The following ZNF280A variants were observed in gnomAD, a reference collection of about 807,000 sequenced individuals.
ZNF280A encodes the protein suppressor of hairy wing homolog 1.
In ZNF280A, 26 loss-of-function variants were observed where a neutral mutation model predicts 35.9. The observed-to-expected ratio is 0.72, with a 90% CI of 0.53 to 1.01. The LOEUF is 1.01. Among genes scored for constraint, ZNF280A ranks in the 50% least tolerant of loss-of-function variants. The pLI is 0.00. For missense variants in ZNF280A, 654 were observed against 652.0 expected (o/e 1.00, Z -0.03); for synonymous variants, 231 against 232.9 (o/e 0.99, Z 0.07).
At chr22:22,517,712 C>T (rs2062088245) in intron 1 of ZNF280A, among the ~76,000 whole-genome samples, 1 of 151,746 alleles carries the variant, frequency 6.6e-6, no homozygotes, top group African/African-American at 2.4e-5. Context: ...ATATAAAATA[C>T]ATTTCATAAT....
At chr22:22,519,198 C>G in intron 1 of ZNF280A, among the ~76,000 whole-genome samples, 1 of 151,848 alleles carries the variant, frequency 6.6e-6, no homozygotes, top group Non-Finnish European at 1.5e-5. Context: ...CTTTGGGAGG[C>G]TGAGGTGGGT....
chr22:22,517,850 T>G (rs991422359), intron 1 of ZNF280A, among the ~76,000 whole-genome samples: 2 of 147,706 alleles, frequency 1.4e-5, no homozygotes, highest in Admixed American at 1.3e-4. Flanking sequence ...CAAACCTTGT[T>G]ATATCAGCAT....
At chr22:22,519,484 G>A (rs1319455883) in intron 1 of ZNF280A, among the ~76,000 whole-genome samples, 2 of 151,880 alleles carry the variant, frequency 1.3e-5, no homozygotes, top group African/African-American at 4.8e-5. Flanking sequence ...GCAATCTCTC[G>A]CTGACAAAAT....
intron 1 of ZNF280A, among the ~76,000 whole-genome samples, chr22:22,518,379 T>A (rs1031662752): frequency 1.3e-5 from 2 of 152,022 alleles, no homozygotes; most frequent in African/African-American, 4.8e-5. Flanking sequence ...TTCCCCTGTT[T>A]TTGTACAGTC....
At chr22:22,518,558 TG>T (rs1282590256) in intron 1 of ZNF280A, among the ~76,000 whole-genome samples, 1 of 151,146 alleles carries the variant, frequency 6.6e-6, no homozygotes, top group East Asian at 2.0e-4. Flanking sequence ...GAGGCCGAGG[TG>T]GGCAGATCAC....
intron 1 of ZNF280A, among the ~76,000 whole-genome samples, chr22:22,518,764 G>T (rs1336156048): frequency 1.4e-5 from 2 of 147,020 alleles, no homozygotes; most frequent in African/African-American, 2.6e-5. Flanking sequence ...CTCCAGCCTG[G>T]GTGACAGAGT....
In ZNF280A at chr22:22,515,024, T is replaced by C. The variant is rs550610741; in HGVS notation, c.607A>G (p.Thr203Ala). ...LAVVPSDMSSTISTNTPSQGI... is the reference protein window; with the variant it reads ...LAVVPSDMSSAISTNTPSQGI... ...TGTGAGGGTGTATTTGTGCTTATTG[T>C]AGAAGACATATCTGAAGGGACCACA... Residue 203 changes from threonine to alanine, a missense_variant, in exon 2 of 2, where the codon ACA becomes GCA. Coordinates refer to ENST00000302097, the MANE Select transcript of ZNF280A (RefSeq NM_080740.5). The C allele has an allele frequency of 2.9e-5, 46 of 1,613,924 alleles. No individual in the cohort carries two copies. The highest frequency in any genetic ancestry group is 3.6e-5 in the Non-Finnish European group (42 of 1,179,976).
rs767540976 is a variant in ZNF280A at position 22,514,896 on chromosome 22, T to C, written c.735A>G (p.Ala245=). Residue 245 remains alanine, a synonymous_variant, in exon 2 of 2, where the codon GCA becomes GCG. Transcript: ENST00000302097. ...AHFNLTDPER[A]SESALAMTDI... ...CTGTCATTGCCAGGGCAGACTCACTTGCTCTCTCTGGATCTGTAAGATTGA... is the reference window on the plus strand; with the variant it reads ...CTGTCATTGCCAGGGCAGACTCACTCGCTCTCTCTGGATCTGTAAGATTGA... 1.2e-6 allele frequency: 2 copies of C among 1,613,816 alleles called. No individual in the cohort carries two copies. Among genetic ancestry groups the C allele is most frequent in the Admixed American group, 3.3e-5 (2 of 59,994 alleles).
chr22:22,518,066 C>A (rs1355403264), intron 1 of ZNF280A, among the ~76,000 whole-genome samples: 1 of 151,788 alleles, frequency 6.6e-6, no homozygotes, highest in Admixed American at 6.6e-5. Flanking sequence ...GCTGGGACTA[C>A]AGGCGCCCGC....
At chr22:22,518,994 T>C (rs1412743914) in intron 1 of ZNF280A, among the ~76,000 whole-genome samples, 1 of 151,782 alleles carries the variant, frequency 6.6e-6, no homozygotes, top group African/African-American at 2.4e-5. Context: ...ACCCCCGAAG[T>C]GGATGCTTGA....
chr22:22,516,274 A>AAC lies in ZNF280A; in HGVS notation c.-71-575_-71-574dup, dbSNP rs897377319. Among the ~76,000 whole-genome samples, 10 of 124,952 alleles carry AAC rather than the reference A, an allele frequency of 8.0e-5. 1 individual carries two copies. The highest frequency in any genetic ancestry group is 2.6e-4 in the African/African-American group (8 of 30,550). 82.0% of individuals were successfully genotyped at this position (124,952 alleles called of 152,430 possible). ...CAACCAAATGAGACCCCATCACACAAACACACACACACACAAATCACAGCA... is the reference window on the plus strand; with the variant it reads ...CAACCAAATGAGACCCCATCACACAAACACACACACACACACAAATCACAGCA... On this transcript the variant is annotated intron_variant, in intron 1 of 1. Transcript: ENST00000302097.
chr22:22,517,507 G>A (rs947594706), intron 1 of ZNF280A, among the ~76,000 whole-genome samples: 2 of 151,880 alleles, frequency 1.3e-5, no homozygotes, highest in Non-Finnish European at 2.9e-5. Context: ...GTTGTACAAG[G>A]GAGAAGGTAA....
Position 22,514,275 on chromosome 22 carries a change from C to G in ZNF280A, c.1356G>C (p.Gln452His), listed in dbSNP as rs1327483728. Residue 452 changes from glutamine (Q) to histidine (H), a missense_variant, in exon 2 of 2, where the codon CAG becomes CAC. Physicochemically the swap from Gln to His is conservative, Grantham distance 24. Coordinates refer to ENST00000302097, the MANE Select transcript of ZNF280A (RefSeq NM_080740.5). ...AAAACTGTAGCCGGCACTTGGAACACTGAAGGACCCTCCTTCTGCTGTGCC... is the reference window on the plus strand; with the variant it reads ...AAAACTGTAGCCGGCACTTGGAACAGTGAAGGACCCTCCTTCTGCTGTGCC... ...CWRHSRRRVL[Q>H]CSKCRLQFLT... The G allele has an allele frequency of 3.1e-6, 5 of 1,613,962 alleles. No individual in the cohort carries two copies. The highest frequency in any genetic ancestry group is 4.2e-6 in the Non-Finnish European group (5 of 1,179,998).
chr22:22,519,445 T>C (rs1249153238), intron 1 of ZNF280A, among the ~76,000 whole-genome samples: 1 of 151,844 alleles, frequency 6.6e-6, no homozygotes, highest in Non-Finnish European at 1.5e-5. Context: ...AAAAAATAAA[T>C]TAATAAATTA....
rs141298966 is a variant in ZNF280A, at chr22:22,518,910, A to G, written c.-72+1179T>C. On this transcript the variant is annotated intron_variant, in intron 1 of 1. Transcript: ENST00000302097. ...AATCATTTTTTTAGTGCTGTTGTCC[A>G]TGGCTGCTTTCACACTTCTATGACA... is the stretch of plus-strand genomic sequence containing the variant. 7.8e-3 allele frequency among the ~76,000 whole-genome samples: 1,178 copies of G among 151,940 alleles called. 66 individuals carry two copies. Among genetic ancestry groups the G allele is most frequent in the Non-Finnish European group, 1.8e-3 (121 of 68,008 alleles).
In ZNF280A at chr22:22,513,989, G is replaced by C. The variant is rs760203636; in HGVS notation, c.*13C>G. On this transcript the variant is annotated 3_prime_UTR_variant, in exon 2 of 2. Coordinates refer to ENST00000302097, the MANE Select transcript of ZNF280A (RefSeq NM_080740.5). ...TGCCTTTCGGAACTCCTGGAAGTCA[G>C]TCGAACATATTTTCAGCTAGAATCC... 2 of 1,452,730 alleles carry C rather than the reference G, an allele frequency of 1.4e-6. No individual in the cohort carries two copies. The highest frequency in any genetic ancestry group is 1.9e-6 in the Non-Finnish European group (2 of 1,052,776). The allele number at this position is 1,452,730 out of a possible 1,614,324, so 90.0% of individuals were successfully genotyped here. A position where few individuals can be genotyped will look rare whatever the true frequency, so the allele number is the denominator to read the frequency against.
chr22:22,518,831 A>G (rs1161314777), intron 1 of ZNF280A, among the ~76,000 whole-genome samples: 1 of 151,530 alleles, frequency 6.6e-6, no homozygotes, highest in Non-Finnish European at 1.5e-5. Flanking sequence ...TGTGAAAATT[A>G]TATAACATTC....
Position 22,513,998 on chromosome 22 carries a change from A to G in ZNF280A, c.*4T>C, listed in dbSNP as rs765057959. The G allele has an allele frequency of 6.7e-7, 1 of 1,501,382 alleles. No individual in the cohort carries two copies. Among genetic ancestry groups the G allele is most frequent in the South Asian group, 1.2e-5 (1 of 83,956 alleles). 93.0% of individuals were successfully genotyped at this position (1,501,382 alleles called of 1,614,324 possible). ...GAACTCCTGGAAGTCAGTCGAACAT[A>G]TTTTCAGCTAGAATCCTTGCTGCAA... On this transcript the variant is annotated 3_prime_UTR_variant, in exon 2 of 2. Coordinates refer to ENST00000302097, the MANE Select transcript of ZNF280A (RefSeq NM_080740.5).
chr22:22,515,178 A>G lies in ZNF280A; in HGVS notation c.453T>C (p.Ala151=), dbSNP rs763459643. 1.2e-6 allele frequency: 2 copies of G among 1,613,812 alleles called. No individual in the cohort carries two copies. The highest frequency in any genetic ancestry group is 2.7e-5 in the African/African-American group (2 of 74,860). The change falls in exon 2 of 2, where the codon GCT becomes GCC. Residue 151 remains alanine, a synonymous_variant. Transcript: ENST00000302097. ...LPPGTQCLVG[A]MVSGGGRNES... ...CATTTCTGCCTCCTCCAGAGACCATAGCTCCAACTAGACACTGAGTCCCTG... is the reference window on the plus strand; with the variant it reads ...CATTTCTGCCTCCTCCAGAGACCATGGCTCCAACTAGACACTGAGTCCCTG...
Sources: allele counts gnomAD v4.1 joint callset (sites outside exome capture counted in the v4.1 genomes callset), GRCh38; gene constraint gnomAD v4.1.1; transcripts MANE v1.5; gene names NCBI Gene and HGNC (gene_info 2026-07-23, HGNC 2026-07-21).